The following PEX7 variants were observed in gnomAD, a reference collection of about 807,000 sequenced individuals.
The protein encoded by PEX7 is PTS2 receptor.
In PEX7, 34 loss-of-function variants were observed where a neutral mutation model predicts 47.5. The ratio of observed to expected loss-of-function variants is 0.72; its 90% CI spans 0.54 to 0.95. The LOEUF (loss-of-function observed/expected upper bound fraction) is 0.95. Ranked by LOEUF, PEX7 falls within the 40% of genes least tolerant of loss-of-function variation. The pLI, the probability that PEX7 is intolerant of heterozygous loss-of-function variation, is 0.00. For synonymous variants in PEX7, 141 were observed against 148.8 expected (o/e 0.95, Z 0.38); for missense variants, 394 against 400.3 (o/e 0.98, Z 0.13).
At chr6:136,822,819 G>A (rs1562724056) in intron 1 of PEX7, 24 bp downstream of exon 1, 1 of 1,238,720 alleles carries the variant, frequency 8.1e-7, no homozygotes. Context: ...GCGCAGCTGG[G>A]GCCGGGGGGC....
chr6:136,891,651 CTTTT>C lies in PEX7; in HGVS notation c.804-6479_804-6476del, dbSNP rs56658273. Among the ~76,000 whole-genome samples, 68 of 140,640 alleles carry C rather than the reference CTTTT, an allele frequency of 4.8e-4. 2 individuals carry two copies. The highest frequency in any genetic ancestry group is 1.8e-3 in the African/African-American group (68 of 38,722). 92.3% of individuals were successfully genotyped at this position (140,640 alleles called of 152,430 possible). On this transcript the variant is annotated intron_variant, in intron 8 of 9. Coordinates refer to ENST00000318471, the MANE Select transcript of PEX7 (RefSeq NM_000288.4). ...AACTCTATAAAATTGTTCAACAGCCCTTTTTTTTTTTTTTTGAGACAGAGTCTCA... is the reference window on the plus strand; with the variant it reads ...AACTCTATAAAATTGTTCAACAGCCCTTTTTTTTTTTGAGACAGAGTCTCA...
chr6:136,875,146 GA>G (rs1171798382), intron 8 of PEX7, among the ~76,000 whole-genome samples: 2 of 110,660 alleles, frequency 1.8e-5, no homozygotes, highest in East Asian at 2.4e-4. Flanking sequence ...TCTCAAAAAA[GA>G]AAAAAAAAGA....
rs1349363935 is a variant in PEX7, at chr6:136,836,942, A to G, written c.340-8673A>G. Among the ~76,000 whole-genome samples the G allele has an allele frequency of 2.0e-5, 3 of 151,988 alleles. No individual in the cohort carries two copies. In the East Asian group the frequency reaches 5.8e-4, roughly 29 times the overall value. ...ACTCCAGCCTGGGCAACAGAGTGAG[A>G]CTCTTGTCACAAGAAACAAAAACAA... On this transcript the variant is annotated intron_variant, in intron 3 of 9. Transcript: ENST00000318471.
intron 5 of PEX7, 84 bp from the exon 6 acceptor site, chr6:136,866,543 A>T: frequency 8.8e-7 from 1 of 1,130,020 alleles, no homozygotes; most frequent in Non-Finnish European, 1.3e-6. Context: ...GTGTATTTTT[A>T]CTTGACTTAT....
chr6:136,844,820 A>G (rs1185617863), intron 3 of PEX7, among the ~76,000 whole-genome samples: 1 of 152,208 alleles, frequency 6.6e-6, no homozygotes, highest in African/African-American at 2.4e-5. Context: ...AAAGTAACCC[A>G]CATGTAAGCG....
At chr6:136,898,262 A>T (rs747744161) in intron 9 of PEX7, 21 bp downstream of exon 9, 3 of 1,390,078 alleles carry the variant, frequency 2.2e-6, no homozygotes, top group Non-Finnish European at 3.1e-6. Context: ...CAATCTCATG[A>T]TATTCTCTTC....
intron 8 of PEX7, among the ~76,000 whole-genome samples, chr6:136,886,965 A>G (rs964575011): frequency 3.9e-5 from 6 of 152,046 alleles, no homozygotes. Flanking sequence ...CAGGAGGATC[A>G]CTTGAGCCCA....
rs543309004 is a variant in PEX7 at position 136,857,482 on chromosome 6, C to T, written c.527-9145C>T. Among the ~76,000 whole-genome samples, 256 of 152,272 alleles carry T rather than the reference C, an allele frequency of 1.7e-3. 1 individual carries two copies. Among genetic ancestry groups the T allele is most frequent in the African/African-American group, 5.9e-3 (246 of 41,552 alleles). ...AGGAAGACAACAGATGGAGTTCCTG[C>T]ACTCTTAGAGCATATAGTCCAGTAG... On this transcript the variant is annotated intron_variant, in intron 5 of 9. Coordinates refer to ENST00000318471, the MANE Select transcript of PEX7 (RefSeq NM_000288.4).
At chr6:136,826,900 C>G (rs944455056) in intron 3 of PEX7, among the ~76,000 whole-genome samples, 14 of 152,154 alleles carry the variant, frequency 9.2e-5, no homozygotes, top group Non-Finnish European at 1.6e-4. Flanking sequence ...GCATAAAATA[C>G]TGAGTATGAG....
In PEX7 at chr6:136,845,619, A is replaced by C. The variant is rs1406868757; in HGVS notation, c.344A>C (p.Tyr115Ser). Residue 115 changes from tyrosine (Y) to serine (S), a missense_variant, in exon 4 of 10, where the codon TAT (tyrosine) becomes TCT (serine). Physicochemically the swap from Tyr to Ser is moderately radical, Grantham distance 144. Coordinates refer to ENST00000318471, the MANE Select transcript of PEX7 (RefSeq NM_000288.4). ...AACACTTTTCAATGTTTTTAGGTGT[A>C]TAGTGTTGATTGGAGCCAAACCAGA... ...QVYKEHAQEV[Y>S]SVDWSQTRGE... 1 of 1,592,856 alleles carries C rather than the reference A, an allele frequency of 6.3e-7. No homozygotes were observed. The highest frequency in any genetic ancestry group is 1.1e-5 in the South Asian group (1 of 90,626).
intron 8 of PEX7, among the ~76,000 whole-genome samples, chr6:136,878,289 C>G (rs1490162546): frequency 6.6e-6 from 1 of 152,076 alleles, no homozygotes; most frequent in Non-Finnish European, 1.5e-5. Context: ...ATTTGAAATC[C>G]CTTTATTCCT....
intron 5 of PEX7, among the ~76,000 whole-genome samples, chr6:136,855,501 G>A (rs577060746): frequency 7.2e-5 from 11 of 152,064 alleles, no homozygotes; most frequent in African/African-American, 1.4e-4. Context: ...CACTATGCCC[G>A]GCTAATTTTT....
chr6:136,887,920 G>A (rs773983435), intron 8 of PEX7, among the ~76,000 whole-genome samples: 6 of 151,998 alleles, frequency 3.9e-5, no homozygotes, highest in Non-Finnish European at 7.4e-5. Flanking sequence ...TTAAAGCAGA[G>A]GATGCAGAAA....
rs931920949 is a variant in PEX7 at position 136,822,656 on chromosome 6, G to A, written c.-10G>A. On this transcript the variant is annotated 5_prime_UTR_variant, in exon 1 of 10. Coordinates refer to ENST00000318471, the MANE Select transcript of PEX7 (RefSeq NM_000288.4). ...GGCCGGGGCAGCGAGGGCCGGGGGCGGCGGGCGGGATGAGTGCGGTGTGCG... is the reference window on the plus strand; with the variant it reads ...GGCCGGGGCAGCGAGGGCCGGGGGCAGCGGGCGGGATGAGTGCGGTGTGCG... 6.6e-7 allele frequency: 1 copy of A among 1,525,286 alleles called. No homozygotes were observed. The highest frequency in any genetic ancestry group is 2.5e-5 in the East Asian group (1 of 40,170). The allele number at this position is 1,525,286 out of a possible 1,614,324, so 94.5% of individuals were successfully genotyped here. A position where few individuals can be genotyped will look rare whatever the true frequency, so the allele number is the denominator to read the frequency against.
chr6:136,830,075 G>GTA (rs1774267545), intron 3 of PEX7: 1 of 713,252 alleles, frequency 1.4e-6, no homozygotes, highest in African/African-American at 1.8e-5. Context: ...GTGGAAGAGA[G>GTA]TATATAATAA....
In PEX7 at chr6:136,825,272, GT is replaced by G; in HGVS notation, c.188+2del. 2 of 1,609,744 alleles carry G rather than the reference GT, an allele frequency of 1.2e-6. No individual in the cohort carries two copies. Among genetic ancestry groups the G allele is most frequent in the Non-Finnish European group, 1.7e-6 (2 of 1,176,044 alleles). The stretch of plus-strand genomic sequence containing the variant: ...AAGCTGGGCTAAGGCTTTTTAGAAG[GT>G]AAGGGGGCTGAAATTATTAAAGGTA... On this transcript the variant is annotated splice_donor_variant, in intron 2 of 9. Coordinates refer to ENST00000318471, the MANE Select transcript of PEX7 (RefSeq NM_000288.4). LOFTEE classifies it high-confidence loss of function.
chr6:136,838,868 G>C (rs762847532), intron 3 of PEX7, among the ~76,000 whole-genome samples: 1 of 152,034 alleles, frequency 6.6e-6, no homozygotes, highest in East Asian at 1.9e-4. Context: ...TAAAATTTCC[G>C]TAATGAAAAA....
intron 3 of PEX7, among the ~76,000 whole-genome samples, chr6:136,844,898 G>T (rs1774568010): frequency 6.6e-6 from 1 of 152,208 alleles, no homozygotes; most frequent in South Asian, 2.1e-4. Context: ...AAAGTAACCT[G>T]CTGGCTGATC....
In PEX7 at chr6:136,825,311, ATTAAAGCCT is replaced by A; in HGVS notation, c.188+42_188+50del. The A allele has an allele frequency of 2.7e-6, 4 of 1,476,296 alleles. No individual in the cohort carries two copies. In the South Asian group the frequency reaches 4.5e-5, roughly 17 times the overall value. The allele number at this position is 1,476,296 out of a possible 1,614,324, so 91.4% of individuals were successfully genotyped here. ...ATTATTAAAGGTATATATTGTTGCT[ATTAAAGCCT>A]TAATAGAATTAGGTTTTGACTCTTT... On this transcript the variant is annotated intron_variant, in intron 2 of 9. Coordinates refer to ENST00000318471, the MANE Select transcript of PEX7 (RefSeq NM_000288.4).
Sources: allele counts gnomAD v4.1 joint callset (sites outside exome capture counted in the v4.1 genomes callset), GRCh38; gene constraint gnomAD v4.1.1; transcripts MANE v1.5; gene names NCBI Gene and HGNC (gene_info 2026-07-23, HGNC 2026-07-21).